ZFHX3: variants seen among roughly 807,000 people sequenced by gnomAD.
ZFHX3 encodes zinc finger homeobox protein 3.
Under a neutral mutation model 279.1 loss-of-function variants are expected in ZFHX3, and 42 were observed. The observed-to-expected ratio is 0.15, with a 90% CI of 0.12 to 0.19. The LOEUF (loss-of-function observed/expected upper bound fraction) is 0.19, where lower values mean the gene tolerates loss of function less well. ZFHX3 is among the 10% of genes least tolerant of loss of function. The pLI, the probability that ZFHX3 is intolerant of heterozygous loss-of-function variation, is 1.00. For missense variants in ZFHX3, 4,981 were observed against 4,754.0 expected (o/e 1.05, Z -1.40); for synonymous variants, 2,293 against 1,957.8 (o/e 1.17, Z -4.52).
At chr16:73,255,778 C>G (rs984797970) in intron 5 of ZFHX3, among the ~76,000 whole-genome samples, 1 of 152,158 alleles carries the variant, frequency 6.6e-6, no homozygotes, top group South Asian at 2.1e-4. Context: ...ATCTGCAAAG[C>G]CTGAAATGCC....
intron 2 of ZFHX3, among the ~76,000 whole-genome samples, chr16:73,519,452 A>C (rs2019576288): frequency 6.6e-6 from 1 of 151,900 alleles, no homozygotes; most frequent in Admixed American, 6.6e-5. Flanking sequence ...ACTTCCTCCC[A>C]TTCTTCCCTA....
At chr16:73,261,449 G>T (rs2013820874) in intron 4 of ZFHX3, among the ~76,000 whole-genome samples, 1 of 152,072 alleles carries the variant, frequency 6.6e-6, no homozygotes, top group Non-Finnish European at 1.5e-5. Context: ...GAACTTTGTT[G>T]TACCATTTAA....
At chr16:73,213,635 A>G (rs2012096648) in intron 5 of ZFHX3, among the ~76,000 whole-genome samples, 1 of 152,238 alleles carries the variant, frequency 6.6e-6, no homozygotes, top group Admixed American at 6.5e-5. Flanking sequence ...TAAGTGCATG[A>G]TAATAAGAAC....
intron 2 of ZFHX3, among the ~76,000 whole-genome samples, chr16:73,613,490 C>A (rs1269201597): frequency 6.6e-6 from 1 of 151,016 alleles, no homozygotes; most frequent in Non-Finnish European, 1.5e-5. Context: ...GAGATTCATA[C>A]TGAACAGTGC....
rs1468518710 is a variant in ZFHX3, at chr16:72,797,191, G to A, written c.5491C>T (p.Leu1831=). 2.5e-6 allele frequency: 4 copies of A among 1,613,984 alleles called. No individual in the cohort carries two copies. In the African/African-American group the frequency reaches 4.0e-5, roughly 16 times the overall value. Residue 1831 remains leucine (L), a synonymous_variant, in exon 9 of 10, where the codon CTG becomes TTG. Coordinates refer to ENST00000268489, the MANE Select transcript of ZFHX3 (RefSeq NM_006885.4). Reference sequence around the variant, plus strand: ...ACCTGAGCCTTCAGATCTTCCAGCAGGCCTGGGCCTGTCCCAGTCAGTGTC... The same window carrying A: ...ACCTGAGCCTTCAGATCTTCCAGCAAGCCTGGGCCTGTCCCAGTCAGTGTC... The part of the protein sequence containing the change: ...ALTLTGTGPG[L]LEDLKAQVQV...
At chr16:73,831,809 C>G (rs1011204204) in intron 1 of ZFHX3, among the ~76,000 whole-genome samples, 1 of 152,228 alleles carries the variant, frequency 6.6e-6, no homozygotes, top group Admixed American at 6.5e-5. Flanking sequence ...CTATTGTGGC[C>G]GTCCTTCAGG....
chr16:73,754,982 C>G (rs912728139), intron 1 of ZFHX3, among the ~76,000 whole-genome samples: 7 of 152,122 alleles, frequency 4.6e-5, no homozygotes, highest in African/African-American at 1.7e-4. Flanking sequence ...TTTAAACATA[C>G]AATTTTGTTT....
intron 5 of ZFHX3, among the ~76,000 whole-genome samples, chr16:73,200,087 CAT>C (rs1255092491): frequency 6.6e-6 from 1 of 152,092 alleles, no homozygotes; most frequent in African/African-American, 2.4e-5. Flanking sequence ...GATGAAAAAA[CAT>C]AGAAGAAAAT....
At chr16:73,390,952 C>T (rs1002701015) in intron 3 of ZFHX3, among the ~76,000 whole-genome samples, 4 of 151,872 alleles carry the variant, frequency 2.6e-5, no homozygotes, top group South Asian at 4.2e-4. Flanking sequence ...ATTAAAGGCC[C>T]GAGAATAGTG....
At chr16:73,362,082 T>C (rs2016442219) in intron 3 of ZFHX3, among the ~76,000 whole-genome samples, 1 of 152,202 alleles carries the variant, frequency 6.6e-6, no homozygotes, top group Admixed American at 6.5e-5. Flanking sequence ...TTTGGGAGGA[T>C]GACAGCCAAG....
chr16:73,682,986 GAAAGA>G lies in ZFHX3; in HGVS notation c.-1607-2751_-1607-2747del, dbSNP rs1447911008. Among the ~76,000 whole-genome samples, 127 of 33,896 alleles carry G rather than the reference GAAAGA, an allele frequency of 3.7e-3. 7 individuals are homozygous for G. Among genetic ancestry groups the G allele is most frequent in the African/African-American group, 5.4e-3 (46 of 8,568 alleles). 22.2% of individuals were successfully genotyped at this position (33,896 alleles called of 152,430 possible). A position where few individuals can be genotyped will look rare whatever the true frequency, so the allele number is the denominator to read the frequency against. On this transcript the variant is annotated intron_variant, in intron 1 of 17. Coordinates refer to the ZFHX3 transcript ENST00000641206. Reference sequence around the variant, plus strand: ...AGAAAGAAAGAAAGAAAGAAAGAAAGAAAGAAAAGAAAGAAAGAAAGAAAGAGAAA... The same window carrying G: ...AGAAAGAAAGAAAGAAAGAAAGAAAGAAAGAAAGAAAGAAAGAAAGAGAAA...
At chr16:73,565,006 A>G (rs2020429739) in intron 2 of ZFHX3, among the ~76,000 whole-genome samples, 1 of 152,082 alleles carries the variant, frequency 6.6e-6, no homozygotes, top group Non-Finnish European at 1.5e-5. Context: ...TAATCCTACC[A>G]TTTTGGGAGG....
At chr16:73,843,586 A>T (rs899645991) in intron 1 of ZFHX3, among the ~76,000 whole-genome samples, 1 of 152,228 alleles carries the variant, frequency 6.6e-6, no homozygotes, top group African/African-American at 2.4e-5. Flanking sequence ...GCATCAGACA[A>T]GGAATAGGAA....
rs2035804583 is a variant in ZFHX3 at position 72,793,998 on chromosome 16, A to C, written c.8684T>G (p.Val2895Gly). ...GCTATAAAAGCTCGGGGCCGGGCTG[A>C]CCAGACCAGATGACAACCGATCTTC... ...EYEDRLSSGLVSPAPSFYSKE... is the reference protein window; with the variant it reads ...EYEDRLSSGLGSPAPSFYSKE... Residue 2895 changes from valine (V) to glycine (G), a missense_variant, in exon 9 of 10, where the codon GTC (valine) becomes GGC (glycine). Around this residue, in one of 7 missense-constraint regions of ZFHX3, gnomAD observed 744 missense variants for 701.3 expected, o/e 1.06. Coordinates refer to ENST00000268489, the MANE Select transcript of ZFHX3 (RefSeq NM_006885.4). The surrounding 1 kb of genome is among the most constrained non-coding windows in gnomAD (Gnocchi z 4.3). 6.2e-7 allele frequency: 1 copy of C among 1,614,220 alleles called. No individual in the cohort carries two copies. Among genetic ancestry groups the C allele is most frequent in the Non-Finnish European group, 8.5e-7 (1 of 1,180,040 alleles).
At chr16:73,410,280 G>A (rs187324644) in intron 3 of ZFHX3, among the ~76,000 whole-genome samples, 23 of 152,240 alleles carry the variant, frequency 1.5e-4, no homozygotes, top group African/African-American at 5.5e-4. Context: ...GCTAGGCGTG[G>A]TAGCAGCTGC....
intron 2 of ZFHX3, among the ~76,000 whole-genome samples, chr16:73,490,997 T>C (rs1284900035): frequency 2.6e-5 from 4 of 152,254 alleles, no homozygotes; most frequent in African/African-American, 9.6e-5. Context: ...AGTTTTTATA[T>C]ATGGTTGCCA....
At chr16:73,262,514 G>T (rs1176185628) in intron 4 of ZFHX3, among the ~76,000 whole-genome samples, 1 of 152,098 alleles carries the variant, frequency 6.6e-6, no homozygotes, top group African/African-American at 2.4e-5. Context: ...GAGCTAGAAG[G>T]GTTCTCAGAG....
At chr16:73,708,215 C>G (rs1028370169) in intron 1 of ZFHX3, among the ~76,000 whole-genome samples, 5 of 152,152 alleles carry the variant, frequency 3.3e-5, no homozygotes, top group Non-Finnish European at 5.9e-5. Flanking sequence ...TCATTGAAGT[C>G]TCCGTTTTAT....
At chr16:73,295,139 C>T (rs1470771124) in intron 4 of ZFHX3, among the ~76,000 whole-genome samples, 2 of 152,196 alleles carry the variant, frequency 1.3e-5, no homozygotes, top group East Asian at 3.9e-4. Context: ...GGCGTGAACC[C>T]GGGAGGCGGA....
Sources: gnomAD v4.1 joint callset for allele counts (sites outside exome capture counted in the v4.1 genomes callset) on GRCh38, gnomAD v4.1.1 for gene constraint, gnomAD v4.1.1 regional missense constraint, Gnocchi (gnomAD v3.1) non-coding constraint, MANE v1.5 for transcripts, NCBI Gene and HGNC (gene_info 2026-07-23, HGNC 2026-07-21) for gene names.